CEP70: variants seen among roughly 807,000 people sequenced by gnomAD.
CEP70 encodes the protein centrosomal protein of 70 kDa.
In CEP70, 70 loss-of-function variants were observed where a neutral mutation model predicts 90.9. The observed-to-expected ratio is 0.77, with a 90% CI of 0.64 to 0.94. The LOEUF (loss-of-function observed/expected upper bound fraction) is 0.94. Among genes scored for constraint, CEP70 ranks in the 40% least tolerant of loss-of-function variants. The probability of loss-of-function intolerance (pLI) is 0.00; values close to 1 mark genes in which losing one functional copy is unlikely to be tolerated. For missense variants in CEP70, 648 were observed against 669.0 expected, an observed-to-expected ratio of 0.97 and a Z score of 0.35; for synonymous variants, 220 against 228.3, an observed-to-expected ratio of 0.96 and a Z score of 0.33.
chr3:138,552,134 A>T (rs1220664701), intron 6 of CEP70, among the ~76,000 whole-genome samples: 1 of 152,188 alleles, frequency 6.6e-6, no homozygotes, highest in East Asian at 1.9e-4. Flanking sequence ...CACAATCCTA[A>T]ATATATATGT....
At chr3:138,554,144 T>C (rs1259901701) in intron 6 of CEP70, among the ~76,000 whole-genome samples, 1 of 150,328 alleles carries the variant, frequency 6.7e-6, no homozygotes, top group Non-Finnish European at 1.5e-5. Context: ...GAGATTTCAG[T>C]GAGCCAAGAT....
chr3:138,549,931 C>T (rs1441397978), intron 6 of CEP70, among the ~76,000 whole-genome samples: 1 of 152,142 alleles, frequency 6.6e-6, no homozygotes, highest in Non-Finnish European at 1.5e-5. Flanking sequence ...AGCCTGGTAG[C>T]CCTTCTGGGT....
chr3:138,496,777 A>C, intron 17 of CEP70: 3 of 985,474 alleles, frequency 3.0e-6, no homozygotes, highest in Non-Finnish European at 3.6e-6. Context: ...TTCAACTTTG[A>C]CCAAATTACA....
intron 6 of CEP70, among the ~76,000 whole-genome samples, chr3:138,563,269 C>A (rs2040542912): frequency 6.6e-6 from 1 of 152,156 alleles, no homozygotes. Flanking sequence ...TAACACCCCA[C>A]TATCAATATT....
chr3:138,508,314 G>A (rs1483192059), intron 12 of CEP70, 125 bp downstream of exon 12: 1 of 692,098 alleles, frequency 1.4e-6, no homozygotes, highest in African/African-American at 1.8e-5. Flanking sequence ...AGACAAGACA[G>A]AATAAGTACA....
chr3:138,540,644 T>C (rs1157470646), intron 6 of CEP70, among the ~76,000 whole-genome samples: 3 of 152,168 alleles, frequency 2.0e-5, no homozygotes, highest in East Asian at 1.9e-4. Flanking sequence ...ACACTGTTGA[T>C]GGGAATGTAA....
At chr3:138,551,913 T>A (rs954162644) in intron 6 of CEP70, among the ~76,000 whole-genome samples, 1 of 152,198 alleles carries the variant, frequency 6.6e-6, no homozygotes, top group Non-Finnish European at 1.5e-5. Context: ...ACCAATCATC[T>A]GTTGCCTTCA....
chr3:138,505,289 C>G lies in CEP70; in HGVS notation c.1221+6G>C, dbSNP rs777595907. 18 of 1,596,174 alleles carry G rather than the reference C, an allele frequency of 1.1e-5. No individual in the cohort carries two copies. The East Asian group carries it at 4.1e-4, about 36-fold the overall frequency. On this transcript the variant is annotated splice_donor_region_variant and intron_variant, in intron 13 of 17. Coordinates refer to ENST00000264982, the MANE Select transcript of CEP70 (RefSeq NM_024491.4). ...TCAAAGCATATAATCATAGTCAACC[C>G]CTTACCTTTAAGGATGTCAGTTGAT...
chr3:138,569,282 G>T (rs557935407), intron 6 of CEP70, among the ~76,000 whole-genome samples: 249 of 152,258 alleles, frequency 1.6e-3, no homozygotes, highest in African/African-American at 5.8e-3. Flanking sequence ...TCCAGACCCT[G>T]CCTGATGAAT....
At chr3:138,532,073 T>C (rs1047743474) in intron 8 of CEP70, among the ~76,000 whole-genome samples, 2 of 152,194 alleles carry the variant, frequency 1.3e-5, no homozygotes, top group Admixed American at 1.3e-4. Context: ...AATCAGGTGA[T>C]AAGTGTGTTT....
At chr3:138,495,803 G>C in intron 17 of CEP70, 1 of 815,102 alleles carries the variant, frequency 1.2e-6, no homozygotes, top group Non-Finnish European at 1.5e-6. Context: ...AGTGAGCTGA[G>C]ATTGCGTCAC....
intron 2 of CEP70, among the ~76,000 whole-genome samples, chr3:138,576,124 G>A (rs2108197512): frequency 6.6e-6 from 1 of 152,192 alleles, no homozygotes; most frequent in Admixed American, 6.5e-5. Context: ...ATGTAAATGG[G>A]CTAAATGCCC....
chr3:138,571,935 C>T (rs656107), intron 3 of CEP70, among the ~76,000 whole-genome samples: 68,412 of 151,844 alleles, frequency 0.45, 17,154 homozygotes, highest in Admixed American at 0.6. Flanking sequence ...CCCGCCACCA[C>T]GCCCGGCTAA....
intron 10 of CEP70, among the ~76,000 whole-genome samples, chr3:138,527,273 T>A (rs2037350027): frequency 1.3e-5 from 2 of 150,290 alleles, no homozygotes; most frequent in African/African-American, 4.9e-5. Flanking sequence ...TCAAGTGATC[T>A]CACCTCAGCC....
intron 8 of CEP70, among the ~76,000 whole-genome samples, chr3:138,531,075 A>T (rs1163785363): frequency 6.6e-6 from 1 of 152,208 alleles, no homozygotes; most frequent in Non-Finnish European, 1.5e-5. Flanking sequence ...ACCCAAGGAT[A>T]ATTTGTATAG....
chr3:138,581,208 G>A (rs1036728481), intron 2 of CEP70, among the ~76,000 whole-genome samples: 6 of 151,652 alleles, frequency 4.0e-5, no homozygotes, highest in Admixed American at 2.0e-4. Context: ...CTTGAACCCA[G>A]GAGATGGAGG....
At chr3:138,543,438 T>C (rs2038924245) in intron 6 of CEP70, among the ~76,000 whole-genome samples, 1 of 151,816 alleles carries the variant, frequency 6.6e-6, no homozygotes, top group African/African-American at 2.4e-5. Flanking sequence ...TACACCAGAG[T>C]GGGTACTGGG....
intron 11 of CEP70, among the ~76,000 whole-genome samples, chr3:138,520,903 TC>T (rs1039188065): frequency 9.2e-5 from 14 of 152,084 alleles, no homozygotes; most frequent in Non-Finnish European, 2.1e-4. Flanking sequence ...CACTGCAACC[TC>T]CCTGCCTGAT....
chr3:138,557,637 A>C (rs1298434939), intron 6 of CEP70, among the ~76,000 whole-genome samples: 1 of 152,180 alleles, frequency 6.6e-6, no homozygotes. Context: ...AGAATGATAC[A>C]ATGGACTTTG....
Sources: gnomAD v4.1 joint callset for allele counts (sites outside exome capture counted in the v4.1 genomes callset) on GRCh38, gnomAD v4.1.1 for gene constraint, MANE v1.5 for transcripts, NCBI Gene and HGNC (gene_info 2026-07-23, HGNC 2026-07-21) for gene names.